Variants in STPG2 observed in about 807,000 individuals in gnomAD.
The protein encoded by STPG2 is sperm-tail PG-rich repeat-containing protein 2.
STPG2 carries 56 observed loss-of-function variants against 54.2 expected under a neutral mutation model. The observed-to-expected ratio is 1.03, with a 90% CI of 0.83 to 1.29. The LOEUF is 1.29. Ranked by LOEUF, STPG2 falls within the 50% of genes most tolerant of loss-of-function variation. The pLI is 0.00. For missense variants in STPG2, 596 were observed against 544.9 expected (o/e 1.09, Z -0.93); for synonymous variants, 200 against 181.8 (o/e 1.10, Z -0.81).
intron 10 of STPG2, among the ~76,000 whole-genome samples, chr4:97,631,842 G>A (rs1755440387): frequency 1.3e-5 from 2 of 152,014 alleles, no homozygotes; most frequent in African/African-American, 4.8e-5. Context: ...AAGGGTATGT[G>A]CTGTGCAAAA....
intron 9 of STPG2, among the ~76,000 whole-genome samples, chr4:97,752,610 A>C (rs142421850): frequency 8.3e-4 from 126 of 151,956 alleles, no homozygotes; most frequent in African/African-American, 2.8e-3. Flanking sequence ...AGGTCTTTTT[A>C]CAAATCAGCT....
intron 6 of STPG2, among the ~76,000 whole-genome samples, chr4:97,974,050 G>T (rs1003136593): frequency 6.6e-6 from 1 of 152,170 alleles, no homozygotes; most frequent in African/African-American, 2.4e-5. Context: ...GCATCCGGGA[G>T]GGAGGCTGTA....
intron 5 of STPG2, among the ~76,000 whole-genome samples, chr4:98,098,454 C>T (rs1738926716): frequency 6.6e-6 from 1 of 152,112 alleles, no homozygotes; most frequent in Admixed American, 6.6e-5. Context: ...TCTCTCTTGC[C>T]TTACACAAAA....
In STPG2 at chr4:97,709,293, A is replaced by T. The variant is rs934002827; in HGVS notation, c.1320+3406T>A. On this transcript the variant is annotated intron_variant, in intron 10 of 10. Transcript: ENST00000295268. ...AAACAATAAGAATCTCAATTTTTAA[A>T]TTTAGAACTGAAAATAAGTAATAAA... Among the ~76,000 whole-genome samples the T allele has an allele frequency of 2.6e-5, 4 of 151,716 alleles. 1 individual carries two copies. In the South Asian group the frequency reaches 6.2e-4, roughly 24 times the overall value.
intron 10 of STPG2, among the ~76,000 whole-genome samples, chr4:97,640,768 T>A (rs766749361): frequency 6.6e-6 from 1 of 151,208 alleles, no homozygotes; most frequent in East Asian, 1.9e-4. Flanking sequence ...ATATTGAAAA[T>A]TAAAGATTTA....
At chr4:97,972,670 A>T (rs1734374002) in intron 6 of STPG2, among the ~76,000 whole-genome samples, 2 of 152,194 alleles carry the variant, frequency 1.3e-5, no homozygotes, top group African/African-American at 4.8e-5. Flanking sequence ...CTCAGCTTGA[A>T]TTGTAATTCC....
chr4:98,049,857 C>A (rs1293962214), intron 5 of STPG2, among the ~76,000 whole-genome samples: 1 of 152,112 alleles, frequency 6.6e-6, no homozygotes, highest in Non-Finnish European at 1.5e-5. Flanking sequence ...ATACCATCTA[C>A]AAAGCAGTCT....
chr4:97,538,762 G>T (rs1174098564), intron 4 of STPG2, among the ~76,000 whole-genome samples: 3 of 152,070 alleles, frequency 2.0e-5, no homozygotes, highest in Non-Finnish European at 4.4e-5. Flanking sequence ...AAGTTCAAAT[G>T]AAGGAAAAAA....
chr4:97,699,807 G>A (rs1319391571), intron 10 of STPG2, among the ~76,000 whole-genome samples: 1 of 152,200 alleles, frequency 6.6e-6, no homozygotes, highest in Non-Finnish European at 1.5e-5. Flanking sequence ...CATCAGTGCA[G>A]GCTGGAGGAG....
intron 9 of STPG2, among the ~76,000 whole-genome samples, chr4:97,834,929 C>T (rs961749524): frequency 6.6e-6 from 1 of 152,048 alleles, no homozygotes; most frequent in Non-Finnish European, 1.5e-5. Flanking sequence ...GAAGATGGAT[C>T]TTCATCCCTC....
chr4:97,822,171 C>A (rs1436776493), intron 9 of STPG2, among the ~76,000 whole-genome samples: 2 of 152,158 alleles, frequency 1.3e-5, no homozygotes, highest in Non-Finnish European at 2.9e-5. Context: ...AGCAAACAGG[C>A]CATTTCTTAA....
chr4:97,679,323 T>C (rs1259240135), intron 10 of STPG2, among the ~76,000 whole-genome samples: 1 of 151,998 alleles, frequency 6.6e-6, no homozygotes, highest in Non-Finnish European at 1.5e-5. Flanking sequence ...CCATTCTAAC[T>C]GGTGTGAGAT....
chr4:97,697,094 T>C (rs1723600872), intron 10 of STPG2, among the ~76,000 whole-genome samples: 1 of 152,176 alleles, frequency 6.6e-6, no homozygotes, highest in Admixed American at 6.5e-5. Flanking sequence ...AGCCACACTA[T>C]GTTCACCTGG....
intron 10 of STPG2, among the ~76,000 whole-genome samples, chr4:97,649,533 A>G (rs1722006940): frequency 6.6e-6 from 1 of 152,296 alleles, no homozygotes. Flanking sequence ...TCTAGCCAGT[A>G]GAAGCTGAAA....
intron 5 of STPG2, among the ~76,000 whole-genome samples, chr4:98,053,196 G>A (rs942787514): frequency 1.3e-5 from 2 of 152,120 alleles, no homozygotes; most frequent in African/African-American, 4.8e-5. Flanking sequence ...AATAATTAAA[G>A]TGGTATAAAA....
At chr4:97,441,307 G>T (rs910751011) in intron 4 of STPG2, 1 of 151,862 alleles carries the variant, frequency 6.6e-6, no homozygotes, top group South Asian at 2.1e-4. Context: ...AGTAGTACAC[G>T]CTTAGAAAGA....
intron 7 of STPG2, among the ~76,000 whole-genome samples, chr4:97,963,633 C>A (rs570723040): frequency 2.6e-5 from 4 of 151,814 alleles, no homozygotes; most frequent in Admixed American, 2.0e-4. Flanking sequence ...CCAGCCTGGG[C>A]AAGAGTGAGA....
chr4:97,620,045 C>T (rs867281254), intron 10 of STPG2, among the ~76,000 whole-genome samples: 3 of 152,062 alleles, frequency 2.0e-5, no homozygotes, highest in African/African-American at 4.8e-5. Context: ...AGGATGGTCT[C>T]GATCTCCTGA....
At chr4:98,085,637 T>A (rs1009033148) in intron 5 of STPG2, among the ~76,000 whole-genome samples, 10 of 152,226 alleles carry the variant, frequency 6.6e-5, no homozygotes, top group Admixed American at 6.5e-5. Context: ...AAGTATTTTA[T>A]GTTTTGAGGT....
Sources: allele counts gnomAD v4.1 joint callset (sites outside exome capture counted in the v4.1 genomes callset), GRCh38; gene constraint gnomAD v4.1.1; transcripts MANE v1.5; gene names NCBI Gene and HGNC (gene_info 2026-07-23, HGNC 2026-07-21).